AMD1: variants seen among roughly 807,000 people sequenced by gnomAD.
AMD1 encodes adenosylmethionine decarboxylase 1.
In AMD1, 11 loss-of-function variants were observed where a neutral mutation model predicts 40.2. The observed-to-expected ratio is 0.27, with a 90% CI of 0.17 to 0.45. The LOEUF (loss-of-function observed/expected upper bound fraction) is 0.45, where lower values mean the gene tolerates loss of function less well. Among genes scored for constraint, AMD1 ranks in the 20% least tolerant of loss-of-function variants. The pLI, the probability that AMD1 is intolerant of heterozygous loss-of-function variation, is 1.00. For synonymous variants in AMD1, 121 were observed against 130.8 expected (o/e 0.93, Z 0.51); for missense variants, 257 against 410.2 (o/e 0.63, Z 3.23).
chr6:110,871,309 G>T (rs576714749), upstream of AMD1, among the ~76,000 whole-genome samples: 1 of 152,214 alleles, frequency 6.6e-6, no homozygotes, highest in Non-Finnish European at 1.5e-5. Context: ...CACTCTAGCT[G>T]CTCTGTGTTA....
At chr6:110,856,989 C>A in the AMD1 span, among the ~76,000 whole-genome samples, 7 of 151,300 alleles carry the variant, frequency 4.6e-5, no homozygotes, top group East Asian at 1.2e-3. Context: ...TATGGAGAAA[C>A]CCCATCTCTA....
At chr6:110,814,989 C>G in the AMD1 span, 2 of 1,601,326 alleles carry the variant, frequency 1.2e-6, no homozygotes, top group South Asian at 1.1e-5. Flanking sequence ...CGAGCCTACT[C>G]CTCCCGCCCC....
intron 1 of AMD1, among the ~76,000 whole-genome samples, chr6:110,876,596 G>A (rs12212810): frequency 0.036 from 5,520 of 152,068 alleles, 129 homozygotes; most frequent in Middle Eastern, 0.071. Context: ...ACTAGTCATA[G>A]CTAAAATGTC....
rs189804785 is a variant in AMD1 at position 110,874,834 on chromosome 6, C to G, written c.-272C>G. On this transcript the variant is annotated 5_prime_UTR_variant, in exon 1 of 9. Coordinates refer to ENST00000368885, the MANE Select transcript of AMD1 (RefSeq NM_001634.6). ...TTAGCTAGCGCTCGCTCTACTCTCTCTAACGGGAAAGCAGCGGAATACAAG... is the reference window on the plus strand; with the variant it reads ...TTAGCTAGCGCTCGCTCTACTCTCTGTAACGGGAAAGCAGCGGAATACAAG... The G allele has an allele frequency of 6.1e-3, 2,385 of 388,030 alleles. 21 individuals carry two copies. The highest frequency in any genetic ancestry group is 0.017 in the Middle Eastern group (23 of 1,374). The allele number at this position is 388,030 out of a possible 1,614,324, so 24.0% of individuals were successfully genotyped here. A position where few individuals can be genotyped will look rare whatever the true frequency, so the allele number is the denominator to read the frequency against.
chr6:110,854,266 G>A, the AMD1 span, among the ~76,000 whole-genome samples: 1 of 152,122 alleles, frequency 6.6e-6, no homozygotes, highest in Non-Finnish European at 1.5e-5. Context: ...CCTGTGTTGG[G>A]AAATGGGGAC....
the AMD1 span, among the ~76,000 whole-genome samples, chr6:110,845,214 T>G: frequency 5.9e-5 from 9 of 151,954 alleles, no homozygotes; most frequent in African/African-American, 2.2e-4. Context: ...AATTTTTGTA[T>G]TTTTAGTAGA....
chr6:110,854,466 T>G, the AMD1 span, among the ~76,000 whole-genome samples: 4 of 152,082 alleles, frequency 2.6e-5, no homozygotes, highest in African/African-American at 7.2e-5. Flanking sequence ...TTTTTTTTTT[T>G]GAAACGGAGT....
intron 2 of AMD1, among the ~76,000 whole-genome samples, chr6:110,888,069 G>A (rs1028422476): frequency 7.9e-5 from 12 of 152,050 alleles, no homozygotes; most frequent in Admixed American, 4.6e-4. Flanking sequence ...AGGTTTTGAA[G>A]CCTCACCGGA....
At position 110,892,724 on chromosome 6, in the gene AMD1, TC is replaced by T; in HGVS notation, c.616-3del. ...AAACCCTTGTTAAACTCGGTCTTTTTCCCCCCCCAGGAGAGTGGAATTCGTG... is the reference window on the plus strand; with the variant it reads ...AAACCCTTGTTAAACTCGGTCTTTTTCCCCCCCAGGAGAGTGGAATTCGTG... On this transcript the variant is annotated splice_polypyrimidine_tract_variant and intron_variant, in intron 6 of 8. Transcript: ENST00000368885. 3.2e-6 allele frequency: 5 copies of T among 1,541,118 alleles called. No individual in the cohort carries two copies. Among genetic ancestry groups the T allele is most frequent in the South Asian group, 1.1e-5 (1 of 87,232 alleles).
At chr6:110,847,063 G>GTGGTGTGTGT in the AMD1 span, among the ~76,000 whole-genome samples, 1 of 143,180 alleles carries the variant, frequency 7.0e-6, no homozygotes, top group African/African-American at 2.5e-5. Context: ...GTGTGTGTGT[G>GTGGTGTGTGT]GTGTGTGTGT....
At chr6:110,834,036 C>T in the AMD1 span, among the ~76,000 whole-genome samples, 1 of 152,038 alleles carries the variant, frequency 6.6e-6, no homozygotes, top group African/African-American at 2.4e-5. Flanking sequence ...CTGGACTTCC[C>T]GGGCTCAAGT....
At chr6:110,885,001 T>C (rs983639242) in intron 1 of AMD1, among the ~76,000 whole-genome samples, 4 of 152,256 alleles carry the variant, frequency 2.6e-5, no homozygotes, top group African/African-American at 9.6e-5. Context: ...TAAATCATAG[T>C]GGATATTTTT....
At chr6:110,888,080 C>T (rs1019207800) in intron 2 of AMD1, among the ~76,000 whole-genome samples, 1 of 152,076 alleles carries the variant, frequency 6.6e-6, no homozygotes, top group African/African-American at 2.4e-5. Context: ...CCTCACCGGA[C>T]AGTTCAAGGT....
the AMD1 span, among the ~76,000 whole-genome samples, chr6:110,867,769 G>C: frequency 6.6e-6 from 1 of 152,142 alleles, no homozygotes; most frequent in Non-Finnish European, 1.5e-5. Context: ...AGGCTGTCTG[G>C]TTAAATATTT....
the AMD1 span, among the ~76,000 whole-genome samples, chr6:110,847,212 G>A: frequency 0.14 from 21,544 of 152,016 alleles, 1,705 homozygotes; most frequent in East Asian, 0.31. Flanking sequence ...AGCTAAAACT[G>A]TAGCCCAAGG....
chr6:110,890,223 T>C (rs749342824), intron 3 of AMD1, 31 bp from the exon 4 acceptor site: 1 of 1,469,106 alleles, frequency 6.8e-7, no homozygotes, highest in Admixed American at 2.3e-5. Context: ...AAAGTCATCT[T>C]TTTTTTTCTT....
the AMD1 span, among the ~76,000 whole-genome samples, chr6:110,830,182 T>A: frequency 3.4e-4 from 52 of 152,034 alleles, no homozygotes; most frequent in African/African-American, 1.1e-3. Flanking sequence ...ACCCAGCTAA[T>A]TTTTTTGTAT....
At chr6:110,850,520 T>G in the AMD1 span, among the ~76,000 whole-genome samples, 12 of 152,282 alleles carry the variant, frequency 7.9e-5, no homozygotes, top group African/African-American at 2.9e-4. Context: ...CCTGCCTCCA[T>G]AAACCAGTTC....
At chr6:110,850,047 G>T in the AMD1 span, among the ~76,000 whole-genome samples, 1 of 150,344 alleles carries the variant, frequency 6.7e-6, no homozygotes, top group Non-Finnish European at 1.5e-5. Flanking sequence ...ATAAGAAAAT[G>T]ACAGGGAGTT....
Sources: gnomAD v4.1 joint callset for allele counts (sites outside exome capture counted in the v4.1 genomes callset) on GRCh38, gnomAD v4.1.1 for gene constraint, MANE v1.5 for transcripts, NCBI Gene and HGNC (gene_info 2026-07-23, HGNC 2026-07-21) for gene names.